The following PRELID2 variants were observed in gnomAD, a reference collection of about 807,000 sequenced individuals.
PRELID2 encodes the protein PRELI domain-containing protein 2.
A neutral mutation model predicts 28.4 loss-of-function variants in PRELID2; 25 were observed. That is an observed-to-expected ratio of 0.88 (90% CI 0.64 to 1.23). The LOEUF (loss-of-function observed/expected upper bound fraction) is 1.23. Ranked by LOEUF, PRELID2 falls within the 50% of genes most tolerant of loss-of-function variation. The probability of loss-of-function intolerance (pLI) is 0.00; values close to 1 mark genes in which losing one functional copy is unlikely to be tolerated. For synonymous variants in PRELID2, 76 were observed against 71.6 expected (o/e 1.06, Z -0.31); for missense variants, 201 against 214.4 (o/e 0.94, Z 0.39).
At chr5:145,684,238 T>C (rs917062414) in intron 1 of PRELID2, among the ~76,000 whole-genome samples, 1 of 152,160 alleles carries the variant, frequency 6.6e-6, no homozygotes, top group Non-Finnish European at 1.5e-5. Context: ...GAAAGAAGCC[T>C]CGATGGGCTG....
the PRELID2 span, among the ~76,000 whole-genome samples, chr5:145,305,328 C>A: frequency 1.3e-5 from 2 of 152,108 alleles, no homozygotes; most frequent in Non-Finnish European, 2.9e-5. Context: ...ATCAGTAGTA[C>A]CAAGTACCTT....
chr5:145,641,835 G>A (rs1204515115), intron 1 of PRELID2, among the ~76,000 whole-genome samples: 1 of 152,186 alleles, frequency 6.6e-6, no homozygotes, highest in East Asian at 1.9e-4. Flanking sequence ...TCCCTGCAAA[G>A]GACATGAACT....
chr5:145,302,622 C>T, the PRELID2 span, among the ~76,000 whole-genome samples: 1 of 151,678 alleles, frequency 6.6e-6, no homozygotes, highest in Non-Finnish European at 1.5e-5. Flanking sequence ...GTGTTATGCT[C>T]ATTCACATTT....
intron 1 of PRELID2, among the ~76,000 whole-genome samples, chr5:145,747,451 A>G (rs576149602): frequency 5.9e-5 from 9 of 152,294 alleles, no homozygotes; most frequent in African/African-American, 1.9e-4. Context: ...TCCTGGACAC[A>G]TATGCCCTCC....
chr5:145,242,583 A>G, the PRELID2 span, among the ~76,000 whole-genome samples: 92 of 152,062 alleles, frequency 6.1e-4, no homozygotes, highest in African/African-American at 2.0e-3. Context: ...TGAATTTTCT[A>G]AAAATGTTCA....
At chr5:145,428,807 C>G in the PRELID2 span, among the ~76,000 whole-genome samples, 1 of 152,006 alleles carries the variant, frequency 6.6e-6, no homozygotes. Flanking sequence ...AAGAAATAAG[C>G]AAGGGAGGCA....
At chr5:145,494,968 T>G (rs1752297797) in intron 1 of PRELID2, among the ~76,000 whole-genome samples, 1 of 152,192 alleles carries the variant, frequency 6.6e-6, no homozygotes, top group African/African-American at 2.4e-5. Flanking sequence ...AATGACAATA[T>G]GTCTTCAGCA....
intron 1 of PRELID2, among the ~76,000 whole-genome samples, chr5:145,688,065 C>T (rs527834108): frequency 6.6e-6 from 1 of 152,326 alleles, no homozygotes; most frequent in East Asian, 1.9e-4. Context: ...ATCATATATG[C>T]AAGGGCTTGA....
chr5:145,726,556 T>A (rs934172114), intron 1 of PRELID2, among the ~76,000 whole-genome samples: 11 of 152,086 alleles, frequency 7.2e-5, no homozygotes, highest in African/African-American at 2.4e-4. Flanking sequence ...TGGATAGATA[T>A]GTAGACAGAT....
At chr5:145,656,993 C>A (rs1240389497) in intron 1 of PRELID2, among the ~76,000 whole-genome samples, 1 of 152,148 alleles carries the variant, frequency 6.6e-6, no homozygotes, top group Non-Finnish European at 1.5e-5. Flanking sequence ...TTAATTAGAA[C>A]ACACAGACAA....
the PRELID2 span, among the ~76,000 whole-genome samples, chr5:145,238,312 CAAAT>C: frequency 6.6e-6 from 1 of 152,114 alleles, no homozygotes; most frequent in African/African-American, 2.4e-5. Flanking sequence ...GTTTGCTCAA[CAAAT>C]AGAGCCAAGA....
rs1561645410 is a variant in PRELID2, at chr5:145,817,999, G to A, written c.263C>T (p.Pro88Leu). 2.5e-6 allele frequency: 4 copies of A among 1,612,788 alleles called. No individual in the cohort carries two copies. The highest frequency in any genetic ancestry group is 2.2e-5 in the East Asian group (1 of 44,770). Residue 88 changes from proline (P) to leucine (L), a missense_variant, in exon 4 of 7, where the codon CCT (proline) becomes CTT (leucine). Pro to Leu is a moderately conservative substitution (Grantham distance 98, BLOSUM62 -3). Coordinates refer to ENST00000683046, the MANE Select transcript of PRELID2 (RefSeq NM_205846.3). ...IQLEEESWLN[P>L]RERNMAIRSH... is the part of the protein sequence containing the mutation. ...CCGTATGGCCATGTTTCTTTCCCGA[G>A]GATTGAGCCATGACTCCTCTTCTAA...
chr5:145,634,412 A>G (rs1293443573), intron 1 of PRELID2, among the ~76,000 whole-genome samples: 1 of 152,154 alleles, frequency 6.6e-6, no homozygotes, highest in Non-Finnish European at 1.5e-5. Flanking sequence ...CTCGCATTCA[A>G]TGCTCAACAA....
intron 5 of PRELID2, 101 bp from the exon 6 acceptor site, chr5:145,765,101 A>G (rs747478831): frequency 2.7e-5 from 21 of 772,582 alleles, no homozygotes; most frequent in Non-Finnish European, 3.9e-5. Flanking sequence ...GGTCATGGCC[A>G]TATATTCATT....
intron 1 of PRELID2, among the ~76,000 whole-genome samples, chr5:145,827,300 A>G (rs1755257741): frequency 6.6e-6 from 1 of 152,240 alleles, no homozygotes; most frequent in Non-Finnish European, 1.5e-5. Context: ...TCTCAGAAGA[A>G]AAGCAAAGTT....
Position 145,716,975 on chromosome 5 carries a change from C to G in PRELID2, n.70+47956G>C, listed in dbSNP as rs568462082. Among the ~76,000 whole-genome samples, 48 of 152,098 alleles carry G rather than the reference C, an allele frequency of 3.2e-4. No individual in the cohort carries two copies. The South Asian group carries it at 9.8e-3, about 31-fold the overall frequency. ...TGACTGACACAACTCATATACCCAT[C>G]AATAATGGAATGCGTGAATAAAGTA... On this transcript the variant is annotated intron_variant and non_coding_transcript_variant, in intron 1 of 2. Transcript: ENST00000510259.
the PRELID2 span, among the ~76,000 whole-genome samples, chr5:145,369,643 G>T: frequency 6.6e-6 from 1 of 152,180 alleles, no homozygotes. Context: ...ACCCAGTAAT[G>T]AGATTGCTGG....
intron 1 of PRELID2, among the ~76,000 whole-genome samples, chr5:145,661,223 C>T (rs1754486669): frequency 6.6e-6 from 1 of 152,086 alleles, no homozygotes. Context: ...TGAGGAAAAG[C>T]ATTGTCTGCC....
chr5:145,673,013 A>T (rs1024254090), intron 1 of PRELID2, among the ~76,000 whole-genome samples: 6 of 152,170 alleles, frequency 3.9e-5, no homozygotes, highest in South Asian at 4.1e-4. Flanking sequence ...TCTATGAGGG[A>T]TGAATAAGAC....
Sources: gnomAD v4.1 joint callset for allele counts (sites outside exome capture counted in the v4.1 genomes callset) on GRCh38, gnomAD v4.1.1 for gene constraint, MANE v1.5 for transcripts, NCBI Gene and HGNC (gene_info 2026-07-23, HGNC 2026-07-21) for gene names.